The following ERC1 variants were observed in gnomAD, a reference collection of about 807,000 sequenced individuals.
ERC1 encodes the protein ELKS/RAB6-interacting/CAST family member 1.
A neutral mutation model predicts 132.0 loss-of-function variants in ERC1; 56 were observed. The ratio of observed to expected loss-of-function variants is 0.42; its 90% CI spans 0.34 to 0.53. The LOEUF is 0.53. Ranked by LOEUF, ERC1 falls within the 20% of genes least tolerant of loss-of-function variation. The pLI, the probability that ERC1 is intolerant of heterozygous loss-of-function variation, is 0.03. For missense variants in ERC1, 1,202 were observed against 1,349.9 expected (o/e 0.89, Z 1.72); for synonymous variants, 478 against 476.1 (o/e 1.00, Z -0.05).
intron 1 of ERC1, among the ~76,000 whole-genome samples, chr12:1,005,807 C>G (rs1963459564): frequency 6.6e-6 from 1 of 152,042 alleles, no homozygotes; most frequent in Admixed American, 6.5e-5. Flanking sequence ...TTCTTCTGTA[C>G]AGCAAGTATA....
rs2154435594 is a variant in ERC1 at position 1,493,572 on chromosome 12, T to TG, written c.*3342_*3343insG. ...AAATATATATATATATATATATATATATATATGGATGGGAATCACCAAATT... is the reference window on the plus strand; with the variant it reads ...AAATATATATATATATATATATATATGATATATGGATGGGAATCACCAAATT... On this transcript the variant is annotated 3_prime_UTR_variant, in exon 19 of 19. Coordinates refer to ENST00000360905, the MANE Select transcript of ERC1 (RefSeq NM_178040.4). The TG allele has an allele frequency of 8.1e-6, 1 of 124,076 alleles. No homozygotes were observed. Among genetic ancestry groups the TG allele is most frequent in the East Asian group, 2.3e-4 (1 of 4,330 alleles). The allele number at this position is 124,076 out of a possible 1,614,324, so 7.7% of individuals were successfully genotyped here.
intron 15 of ERC1, 77 bp from the exon 16 acceptor site, chr12:1,371,756 G>C: frequency 6.7e-7 from 1 of 1,482,514 alleles, no homozygotes; most frequent in East Asian, 2.3e-5. Context: ...CCTCAAAATG[G>C]GGGTACTGGT....
intron 8 of ERC1, among the ~76,000 whole-genome samples, chr12:1,175,520 C>T (rs1403781238): frequency 6.7e-6 from 1 of 150,310 alleles, no homozygotes; most frequent in Admixed American, 6.7e-5. Context: ...GAAGAAGCAG[C>T]TCCACATCTG....
intron 7 of ERC1, among the ~76,000 whole-genome samples, chr12:1,131,585 C>T (rs141606264): frequency 0.075 from 11,427 of 151,900 alleles, 537 homozygotes; most frequent in Middle Eastern, 0.14. Context: ...CCTTAGCCTC[C>T]CGAGTAGCTG....
intron 15 of ERC1, among the ~76,000 whole-genome samples, chr12:1,296,351 A>G (rs2079932007): frequency 6.6e-6 from 1 of 151,764 alleles, no homozygotes; most frequent in Non-Finnish European, 1.5e-5. Context: ...TCATAAAATG[A>G]AAATGGAAAT....
intron 8 of ERC1, among the ~76,000 whole-genome samples, chr12:1,145,909 C>T (rs996272488): frequency 6.6e-6 from 1 of 152,132 alleles, no homozygotes; most frequent in Non-Finnish European, 1.5e-5. Context: ...TCTGGGTTCT[C>T]TATTCTGTTC....
chr12:1,196,976 ATTTTTTTTTTTTT>A (rs1172269593), intron 12 of ERC1, among the ~76,000 whole-genome samples: 3 of 73,314 alleles, frequency 4.1e-5, no homozygotes, highest in African/African-American at 1.1e-4. Flanking sequence ...ATATATATAT[ATTTTTTTTTTTTT>A]TTTTTTTTTA....
chr12:1,205,413 GTA>G (rs58629430), intron 12 of ERC1, among the ~76,000 whole-genome samples: 34,907 of 143,430 alleles, frequency 0.24, 4,194 homozygotes, highest in Non-Finnish European at 0.27. Flanking sequence ...GTGTGTGTGT[GTA>G]TATATATATA....
intron 2 of ERC1, among the ~76,000 whole-genome samples, chr12:1,070,307 C>CTT (rs35289231): frequency 7.4e-4 from 108 of 146,928 alleles, no homozygotes; most frequent in African/African-American, 2.0e-3. Context: ...TTTTTCTTTT[C>CTT]TTTTTTTTTT....
At chr12:996,557 C>A (rs1381025844) in intron 1 of ERC1, among the ~76,000 whole-genome samples, 1 of 151,988 alleles carries the variant, frequency 6.6e-6, no homozygotes, top group Non-Finnish European at 1.5e-5. Context: ...ATAGCCACTG[C>A]ACTCCAGCCT....
intron 2 of ERC1, among the ~76,000 whole-genome samples, chr12:1,081,808 T>A (rs956677915): frequency 6.6e-6 from 1 of 152,176 alleles, no homozygotes; most frequent in Non-Finnish European, 1.5e-5. Flanking sequence ...CAGTAATGCA[T>A]TGTACACTTA....
intron 8 of ERC1, among the ~76,000 whole-genome samples, chr12:1,151,264 A>G (rs989502223): frequency 1.3e-5 from 2 of 152,178 alleles, no homozygotes; most frequent in Non-Finnish European, 2.9e-5. Context: ...AGTGGGGGAG[A>G]TCAGGGATTT....
intron 17 of ERC1, among the ~76,000 whole-genome samples, chr12:1,420,734 C>A (rs1292263598): frequency 6.6e-6 from 1 of 152,142 alleles, no homozygotes; most frequent in Non-Finnish European, 1.5e-5. Flanking sequence ...GGATTACAGG[C>A]ATGAGCCACC....
intron 3 of ERC1, among the ~76,000 whole-genome samples, chr12:1,092,088 C>T (rs1404216636): frequency 2.6e-5 from 4 of 151,258 alleles, no homozygotes; most frequent in African/African-American, 9.7e-5. Context: ...AACCTGCGCC[C>T]CCTGGGTTCA....
At chr12:1,187,296 A>G (rs1955204670) in intron 11 of ERC1, among the ~76,000 whole-genome samples, 1 of 152,212 alleles carries the variant, frequency 6.6e-6, no homozygotes, top group Non-Finnish European at 1.5e-5. Context: ...ATTTAGATGT[A>G]AACTACTCTG....
rs1942480919 is a variant in ERC1 at position 1,083,183 on chromosome 12, A to G, written c.689A>G (p.Gln230Arg). The stretch of plus-strand genomic sequence containing the variant: ...TTCTAGCACATGCAGATGACAATCC[A>G]GGCTCTCCAGGATGAATTGCGGATC... Reference protein sequence around the residue: ...EENQHMQMTIQALQDELRIQR... With the variant: ...EENQHMQMTIRALQDELRIQR... The change falls in exon 3 of 19, where the codon CAG becomes CGG. Residue 230 changes from glutamine (Q) to arginine (R), a missense_variant. By Grantham distance (43) the Gln-to-Arg change is conservative. Transcript: ENST00000360905. 6.2e-7 allele frequency: 1 copy of G among 1,612,952 alleles called. No individual in the cohort carries two copies. Among genetic ancestry groups the G allele is most frequent in the Non-Finnish European group, 8.5e-7 (1 of 1,179,644 alleles).
chr12:1,417,520 C>CTG (rs1057300439), intron 17 of ERC1, among the ~76,000 whole-genome samples: 20 of 151,956 alleles, frequency 1.3e-4, no homozygotes, highest in African/African-American at 4.3e-4. Context: ...TGGCTCATAC[C>CTG]TGTAATCCCA....
At chr12:1,159,391 A>C (rs183219645) in intron 8 of ERC1, among the ~76,000 whole-genome samples, 1 of 152,266 alleles carries the variant, frequency 6.6e-6, no homozygotes, top group Non-Finnish European at 1.5e-5. Flanking sequence ...TAATGCTGCC[A>C]CTGATCTGAC....
At chr12:994,092 A>G (rs867376249) in intron 1 of ERC1, among the ~76,000 whole-genome samples, 5 of 149,036 alleles carry the variant, frequency 3.4e-5, no homozygotes, top group Admixed American at 6.6e-5. Flanking sequence ...AAAAAAAAAA[A>G]AAAGTGAAGG....
Sources: allele counts gnomAD v4.1 joint callset (sites outside exome capture counted in the v4.1 genomes callset), GRCh38; gene constraint gnomAD v4.1.1; transcripts MANE v1.5; gene names NCBI Gene and HGNC (gene_info 2026-07-23, HGNC 2026-07-21).